The following ELP4 variants were observed in gnomAD, a reference collection of about 807,000 sequenced individuals.
ELP4 encodes elongator complex protein 4.
A neutral mutation model predicts 48.9 loss-of-function variants in ELP4; 51 were observed. The observed-to-expected ratio is 1.04, with a 90% CI of 0.83 to 1.32. ELP4 has a LOEUF of 1.32. ELP4 is among the 40% of genes most tolerant of loss of function. The probability of loss-of-function intolerance (pLI) is 0.00; values close to 1 mark genes in which losing one functional copy is unlikely to be tolerated. For missense variants in ELP4, 519 were observed against 514.6 expected (o/e 1.01, Z -0.08); for synonymous variants, 210 against 189.2 (o/e 1.11, Z -0.90).
chr11:31,751,002 TATCTTTGCATATAGACTATAAAATG>T (rs1947707426), intron 9 of ELP4, among the ~76,000 whole-genome samples: 1 of 152,228 alleles, frequency 6.6e-6, no homozygotes, highest in Non-Finnish European at 1.5e-5. Flanking sequence ...TCATTTTCAG[TATCTTTGCATATAGACTATAAAATG>T]TTAAAGTCTG....
chr11:31,657,406 G>A (rs538399391), intron 9 of ELP4, among the ~76,000 whole-genome samples: 1 of 152,058 alleles, frequency 6.6e-6, no homozygotes, highest in Admixed American at 6.6e-5. Context: ...TTGTCCATTA[G>A]TTTATTTGTT....
chr11:31,599,150 T>A (rs1210854815), intron 4 of ELP4: 1 of 152,196 alleles, frequency 6.6e-6, no homozygotes, highest in Non-Finnish European at 1.5e-5. Flanking sequence ...AGTAATTATT[T>A]GTTGGATGCA....
chr11:31,750,598 T>G (rs1366600286), intron 9 of ELP4, among the ~76,000 whole-genome samples: 1 of 152,196 alleles, frequency 6.6e-6, no homozygotes, highest in Non-Finnish European at 1.5e-5. Context: ...CTTCCATAGA[T>G]GTTTTCTTCC....
intron 2 of ELP4, among the ~76,000 whole-genome samples, chr11:31,536,617 A>G (rs964158254): frequency 2.6e-5 from 4 of 152,162 alleles, no homozygotes; most frequent in African/African-American, 9.7e-5. Flanking sequence ...CTCTCAAAGC[A>G]TGGGGATTAC....
At chr11:31,514,554 G>A (rs961678180) in intron 1 of ELP4, among the ~76,000 whole-genome samples, 2 of 152,090 alleles carry the variant, frequency 1.3e-5, no homozygotes, top group African/African-American at 4.8e-5. Context: ...AAACAAGGCC[G>A]TTTTACTACT....
chr11:31,657,456 G>A (rs1394664431), intron 9 of ELP4, among the ~76,000 whole-genome samples: 1 of 151,998 alleles, frequency 6.6e-6, no homozygotes, highest in African/African-American at 2.4e-5. Context: ...AGCTCCACAA[G>A]AGTAAGGACA....
chr11:31,601,134 A>T (rs1957772511), intron 4 of ELP4, among the ~76,000 whole-genome samples: 1 of 150,534 alleles, frequency 6.6e-6, no homozygotes, highest in African/African-American at 2.5e-5. Context: ...AGTTGATAAC[A>T]GTTTTTTGTA....
At chr11:31,657,526 T>A (rs982142434) in intron 9 of ELP4, among the ~76,000 whole-genome samples, 2 of 152,030 alleles carry the variant, frequency 1.3e-5, no homozygotes, top group African/African-American at 4.8e-5. Flanking sequence ...CATAAATATT[T>A]GTTAAATTGT....
At chr11:31,521,398 A>T (rs980581476) in intron 2 of ELP4, among the ~76,000 whole-genome samples, 1 of 152,008 alleles carries the variant, frequency 6.6e-6, no homozygotes, top group Non-Finnish European at 1.5e-5. Flanking sequence ...TAGTTTTCCC[A>T]CTATTCCATA....
chr11:31,563,662 A>C (rs1267075133), intron 3 of ELP4, among the ~76,000 whole-genome samples: 1 of 152,056 alleles, frequency 6.6e-6, no homozygotes, highest in East Asian at 1.9e-4. Context: ...TAATTTTCTA[A>C]TCTGTTTCAT....
chr11:31,630,792 A>C (rs935304209), intron 6 of ELP4, among the ~76,000 whole-genome samples: 4 of 152,122 alleles, frequency 2.6e-5, no homozygotes, highest in African/African-American at 9.7e-5. Flanking sequence ...CAATAAAAGA[A>C]AAATTAGCTA....
At chr11:31,683,711 G>A (rs1176451705) in intron 9 of ELP4, among the ~76,000 whole-genome samples, 1 of 152,064 alleles carries the variant, frequency 6.6e-6, no homozygotes, top group Admixed American at 6.6e-5. Context: ...ACAAAAATAA[G>A]ACATTGTTTC....
chr11:31,605,923 A>G (rs1957866887), intron 5 of ELP4, among the ~76,000 whole-genome samples: 2 of 151,936 alleles, frequency 1.3e-5, no homozygotes, highest in African/African-American at 2.4e-5. Flanking sequence ...TCAAGTTTCT[A>G]AAACCTCTGC....
At chr11:31,608,211 T>C (rs1280179934) in intron 5 of ELP4, among the ~76,000 whole-genome samples, 3 of 152,010 alleles carry the variant, frequency 2.0e-5, no homozygotes, top group African/African-American at 4.8e-5. Flanking sequence ...TTAGGTCGAT[T>C]ACCGTATAGT....
intron 5 of ELP4, among the ~76,000 whole-genome samples, chr11:31,626,557 T>C (rs1944748197): frequency 6.6e-6 from 1 of 151,880 alleles, no homozygotes; most frequent in African/African-American, 2.4e-5. Flanking sequence ...CTTAAATTCA[T>C]CCATTTATTG....
chr11:31,611,373 C>T (rs1957975233), intron 5 of ELP4, among the ~76,000 whole-genome samples: 1 of 152,154 alleles, frequency 6.6e-6, no homozygotes, highest in African/African-American at 2.4e-5. Context: ...TCCAGTTTTA[C>T]AGTATGAGTC....
At chr11:31,616,980 T>G (rs1401340473) in intron 5 of ELP4, among the ~76,000 whole-genome samples, 1 of 152,038 alleles carries the variant, frequency 6.6e-6, no homozygotes, top group East Asian at 1.9e-4. Context: ...TGTGCACTAT[T>G]TGGGTTGTAA....
At chr11:31,543,056 A>G (rs1956618261) in intron 3 of ELP4, among the ~76,000 whole-genome samples, 1 of 152,204 alleles carries the variant, frequency 6.6e-6, no homozygotes, top group South Asian at 2.1e-4. Flanking sequence ...AGAAAAGATT[A>G]GTAAATTTGA....
At chr11:31,602,082 A>G (rs1217510938) in intron 4 of ELP4, among the ~76,000 whole-genome samples, 2 of 152,058 alleles carry the variant, frequency 1.3e-5, no homozygotes, top group Admixed American at 6.6e-5. Flanking sequence ...ACTAAATTCT[A>G]TTGGGCCTGA....
Sources: allele counts gnomAD v4.1 joint callset (sites outside exome capture counted in the v4.1 genomes callset), GRCh38; gene constraint gnomAD v4.1.1; transcripts MANE v1.5; gene names NCBI Gene and HGNC (gene_info 2026-07-23, HGNC 2026-07-21).